The following TICRR variants were observed in gnomAD, a reference collection of about 807,000 sequenced individuals.
TICRR encodes treslin.
TICRR carries 132 observed loss-of-function variants against 178.1 expected under a neutral mutation model. The ratio of observed to expected loss-of-function variants is 0.74; its 90% CI spans 0.64 to 0.86. TICRR has a LOEUF of 0.86. TICRR is among the 40% of genes least tolerant of loss of function. The probability of loss-of-function intolerance (pLI) is 0.00; values close to 1 mark genes in which losing one functional copy is unlikely to be tolerated. For missense variants in TICRR, 2,587 were observed against 2,334.3 expected, an observed-to-expected ratio of 1.11 and a Z score of -2.23; for synonymous variants, 991 against 900.7, an observed-to-expected ratio of 1.10 and a Z score of -1.79.
chr15:89,581,621 G>T (rs1220880499), intron 1 of TICRR, among the ~76,000 whole-genome samples: 1 of 152,156 alleles, frequency 6.6e-6, no homozygotes, highest in Non-Finnish European at 1.5e-5. Context: ...AATAGCAAAT[G>T]GTTCAATATG....
At chr15:89,617,232 T>C (rs756099930) in intron 16 of TICRR, among the ~76,000 whole-genome samples, 1 of 152,208 alleles carries the variant, frequency 6.6e-6, no homozygotes, top group Non-Finnish European at 1.5e-5. Flanking sequence ...CAGAAACCCA[T>C]CTCGACATTA....
At chr15:89,578,749 T>A (rs1962669650) in intron 1 of TICRR, among the ~76,000 whole-genome samples, 1 of 152,026 alleles carries the variant, frequency 6.6e-6, no homozygotes, top group South Asian at 2.1e-4. Context: ...ACTGAGGGGA[T>A]GGGTCATCTC....
In TICRR at chr15:89,625,184, C is replaced by A. The variant is rs1328865556; in HGVS notation, c.4874C>A (p.Pro1625His). Residue 1625 changes from proline (P) to histidine (H), a missense_variant, in exon 20 of 22, where the codon CCC becomes CAC. Transcript: ENST00000268138. The stretch of plus-strand genomic sequence containing the variant: ...CCTGAACCCACCTATGTGTCACCCC[C>A]CTGCCCCCGCCTCTCCCACAGCACA... ...SKPEPTYVSP[P>H]CPRLSHSTPG... 6.2e-7 allele frequency: 1 copy of A among 1,613,832 alleles called. No homozygotes were observed. The highest frequency in any genetic ancestry group is 1.1e-5 in the South Asian group (1 of 91,062).
In TICRR at chr15:89,617,806, C is replaced by T. The variant is rs571336441; in HGVS notation, c.2961-346C>T. Among the ~76,000 whole-genome samples, 10 of 151,918 alleles carry T rather than the reference C, an allele frequency of 6.6e-5. No homozygotes were observed. The South Asian group carries it at 1.9e-3, about 28-fold the overall frequency. ...TCCCGGGTTCAAGCGATTCTCTTGC[C>T]TCAGCCTCCCAAGTAGCTGGGACTA... On this transcript the variant is annotated intron_variant, in intron 16 of 21. Coordinates refer to ENST00000268138, the MANE Select transcript of TICRR (RefSeq NM_152259.4).
chr15:89,606,620 T>G (rs1336176242), intron 13 of TICRR, 148 bp from the exon 14 acceptor site: 1 of 681,626 alleles, frequency 1.5e-6, no homozygotes, highest in African/African-American at 1.8e-5. Context: ...TGAGTGTTTT[T>G]GGAACATTTC....
At chr15:89,592,234 G>A in intron 5 of TICRR, 58 bp downstream of exon 5, 2 of 1,515,314 alleles carry the variant, frequency 1.3e-6, no homozygotes, top group Non-Finnish European at 9.1e-7. Flanking sequence ...TCAGTTATCT[G>A]CATTTTTTTC....
intron 15 of TICRR, 149 bp downstream of exon 15, chr15:89,609,098 A>ATATTTT: frequency 6.0e-6 from 1 of 167,372 alleles, no homozygotes; most frequent in Non-Finnish European, 9.8e-6. Context: ...AATTTTGTTA[A>ATATTTT]TCTTTTTTTT....
chr15:89,577,978 T>C (rs1429405102), intron 1 of TICRR, among the ~76,000 whole-genome samples: 3 of 152,002 alleles, frequency 2.0e-5, no homozygotes, highest in Admixed American at 2.0e-4. Flanking sequence ...GTAAAGAACA[T>C]TCCAGGTGAG....
Position 89,602,876 on chromosome 15 carries a change from A to T in TICRR, c.2648A>T (p.Lys883Met). ...CAAATTGAAATTCCTAAAGTGTCAAAGAGAGCTACGAAAAAAGTAAGTAAA... is the reference window on the plus strand; with the variant it reads ...CAAATTGAAATTCCTAAAGTGTCAATGAGAGCTACGAAAAAAGTAAGTAAA... Reference protein sequence around the residue: ...LRQIEIPKVSKRATKKENSHP... With the variant: ...LRQIEIPKVSMRATKKENSHP... Residue 883 changes from lysine (K) to methionine (M), a missense_variant, in exon 13 of 22, where the codon AAG becomes ATG. Coordinates refer to ENST00000268138, the MANE Select transcript of TICRR (RefSeq NM_152259.4). 1 of 1,527,368 alleles carries T rather than the reference A, an allele frequency of 6.5e-7. No homozygotes were observed. The highest frequency in any genetic ancestry group is 8.8e-7 in the Non-Finnish European group (1 of 1,137,440). The allele number at this position is 1,527,368 out of a possible 1,614,324, so 94.6% of individuals were successfully genotyped here. A position where few individuals can be genotyped will look rare whatever the true frequency, so the allele number is the denominator to read the frequency against.
chr15:89,585,261 A>G (rs1026152674), intron 3 of TICRR, among the ~76,000 whole-genome samples: 1 of 152,190 alleles, frequency 6.6e-6, no homozygotes, highest in Non-Finnish European at 1.5e-5. Context: ...TCTGCTGCCT[A>G]CTGTATGTTC....
At chr15:89,601,191 T>C in intron 9 of TICRR, 107 bp from the exon 10 acceptor site, 1 of 867,874 alleles carries the variant, frequency 1.2e-6, no homozygotes, top group Non-Finnish European at 1.8e-6. Context: ...CTGGCTCTCC[T>C]CCTTTTTGGT....
intron 1 of TICRR, 29 bp downstream of exon 1, chr15:89,576,269 G>C: frequency 6.6e-7 from 1 of 1,513,562 alleles, no homozygotes. Context: ...GTCTCAGATG[G>C]CGTGCACGGT....
At chr15:89,617,246 G>A (rs754050653) in intron 16 of TICRR, among the ~76,000 whole-genome samples, 4 of 152,150 alleles carry the variant, frequency 2.6e-5, no homozygotes, top group East Asian at 1.9e-4. Context: ...GACATTATTC[G>A]TATATGGATT....
At chr15:89,604,516 A>G (rs1480695509) in intron 13 of TICRR, among the ~76,000 whole-genome samples, 2 of 152,210 alleles carry the variant, frequency 1.3e-5, no homozygotes, top group African/African-American at 2.4e-5. Context: ...GTTCATGCCT[A>G]TAATGCCAGA....
intron 13 of TICRR, among the ~76,000 whole-genome samples, chr15:89,603,549 C>T (rs1014796415): frequency 1.3e-5 from 2 of 152,216 alleles, no homozygotes; most frequent in East Asian, 1.9e-4. Flanking sequence ...CGTGCCACTG[C>T]ACTCCAGCCT....
rs1488221002 is a variant in TICRR at position 89,627,213 on chromosome 15, T to G, written c.*127T>G. ...TGTTCAGATTGCCATTAGAATGCCT[T>G]AGGGTTTTCTAATTCCCCTTATGGA... On this transcript the variant is annotated 3_prime_UTR_variant, in exon 22 of 22. Transcript: ENST00000268138. 25 of 1,158,232 alleles carry G rather than the reference T, an allele frequency of 2.2e-5. No individual in the cohort carries two copies. The highest frequency in any genetic ancestry group is 2.8e-5 in the Non-Finnish European group (23 of 820,428). 71.7% of individuals were successfully genotyped at this position (1,158,232 alleles called of 1,614,324 possible). A position where few individuals can be genotyped will look rare whatever the true frequency, so the allele number is the denominator to read the frequency against.
At position 89,624,120 on chromosome 15, in the gene TICRR, T is replaced by C; in HGVS notation, c.3810T>C (p.His1270=). Residue 1270 remains histidine (H), a synonymous_variant, in exon 20 of 22, where the codon CAT becomes CAC. Transcript: ENST00000268138. Reference sequence around the variant, plus strand: ...AGAATCAAACACACCAACAGCCCCATGTCCTCAGAGCTGCTCGGGCAGAGG... The same window carrying C: ...AGAATCAAACACACCAACAGCCCCACGTCCTCAGAGCTGCTCGGGCAGAGG... ...TPQNQTHQQP[H]VLRAARAEEP... 1 of 1,613,194 alleles carries C rather than the reference T, an allele frequency of 6.2e-7. No individual in the cohort carries two copies.
chr15:89,598,337 G>C (rs1963035032), intron 7 of TICRR, among the ~76,000 whole-genome samples: 1 of 148,032 alleles, frequency 6.8e-6, no homozygotes, highest in African/African-American at 2.5e-5. Context: ...ACCAAAGACA[G>C]TTTTATTTCT....
Position 89,616,512 on chromosome 15 carries a change from TC to T in TICRR, c.2960+19del, listed in dbSNP as rs1162007787. The T allele has an allele frequency of 3.1e-6, 5 of 1,610,668 alleles. No homozygotes were observed. The highest frequency in any genetic ancestry group is 3.4e-6 in the Non-Finnish European group (4 of 1,177,530). On this transcript the variant is annotated intron_variant, in intron 16 of 21. Coordinates refer to ENST00000268138, the MANE Select transcript of TICRR (RefSeq NM_152259.4). ...CAAGGGCAGGTGAGTGACATCCCCATCCGGGCTTCTTCATACACCCACACCA... is the reference window on the plus strand; with the variant it reads ...CAAGGGCAGGTGAGTGACATCCCCATCGGGCTTCTTCATACACCCACACCA...
Sources: allele counts gnomAD v4.1 joint callset (sites outside exome capture counted in the v4.1 genomes callset), GRCh38; gene constraint gnomAD v4.1.1; transcripts MANE v1.5; gene names NCBI Gene and HGNC (gene_info 2026-07-23, HGNC 2026-07-21).